The following SGCD variants were observed in gnomAD, a reference collection of about 807,000 sequenced individuals.
The protein encoded by SGCD is sarcoglycan delta, also known as delta-sarcoglycan.
Under a neutral mutation model 36.6 loss-of-function variants are expected in SGCD, and 18 were observed. The ratio of observed to expected loss-of-function variants is 0.49; its 90% CI spans 0.34 to 0.73. The LOEUF (loss-of-function observed/expected upper bound fraction) is 0.73, where lower values mean the gene tolerates loss of function less well. Ranked by LOEUF, SGCD falls within the 30% of genes least tolerant of loss-of-function variation. The probability of loss-of-function intolerance (pLI) is 0.01; values close to 1 mark genes in which losing one functional copy is unlikely to be tolerated. For synonymous variants in SGCD, 133 were observed against 130.6 expected (o/e 1.02, Z -0.12); for missense variants, 387 against 346.7 (o/e 1.12, Z -0.92).
intron 1 of SGCD, among the ~76,000 whole-genome samples, chr5:156,094,442 T>C (rs957459968): frequency 6.6e-6 from 1 of 152,194 alleles, no homozygotes; most frequent in African/African-American, 2.4e-5. Flanking sequence ...CCAACTGGGA[T>C]CCCGATTATG....
chr5:156,200,849 C>A (rs990037991), intron 3 of SGCD, among the ~76,000 whole-genome samples: 1 of 152,082 alleles, frequency 6.6e-6, no homozygotes, highest in African/African-American at 2.4e-5. Flanking sequence ...AGATGTCCAT[C>A]GACAGATGAA....
the SGCD span, among the ~76,000 whole-genome samples, chr5:155,748,666 G>C: frequency 6.6e-6 from 1 of 152,100 alleles, no homozygotes; most frequent in Non-Finnish European, 1.5e-5. Context: ...TGCAGTCCAA[G>C]TCACATGTAT....
intron 3 of SGCD, among the ~76,000 whole-genome samples, chr5:156,192,989 G>C (rs1403346459): frequency 6.6e-6 from 1 of 151,272 alleles, no homozygotes; most frequent in South Asian, 2.1e-4. Context: ...TGTGATTCAT[G>C]GACACCGAAA....
At chr5:156,277,810 T>C (rs565950971) in intron 3 of SGCD, among the ~76,000 whole-genome samples, 8 of 152,170 alleles carry the variant, frequency 5.3e-5, no homozygotes, top group Non-Finnish European at 1.0e-4. Context: ...GAGTAATTGA[T>C]CATTAATATC....
At chr5:155,853,646 C>G in the SGCD span, among the ~76,000 whole-genome samples, 2 of 152,128 alleles carry the variant, frequency 1.3e-5, no homozygotes, top group Admixed American at 6.6e-5. Context: ...GTTCTATAAA[C>G]CAAGTAATCA....
chr5:156,528,285 A>T (rs193109691), intron 4 of SGCD, among the ~76,000 whole-genome samples: 1 of 152,326 alleles, frequency 6.6e-6, no homozygotes, highest in South Asian at 2.1e-4. Context: ...TAAGATTATT[A>T]TGGGATTATA....
intron 3 of SGCD, among the ~76,000 whole-genome samples, chr5:156,368,221 G>T: frequency 6.6e-6 from 1 of 151,932 alleles, no homozygotes; most frequent in Non-Finnish European, 1.5e-5. Flanking sequence ...CTCCTGAGTA[G>T]CTGGGATTAC....
chr5:156,406,481 G>A (rs1482431066), intron 3 of SGCD, among the ~76,000 whole-genome samples: 5 of 151,822 alleles, frequency 3.3e-5, no homozygotes, highest in Non-Finnish European at 5.9e-5. Context: ...CTCTTTTGGA[G>A]TAAATTTTCC....
At chr5:156,495,875 T>C (rs2127855518) in intron 3 of SGCD, among the ~76,000 whole-genome samples, 1 of 152,292 alleles carries the variant, frequency 6.6e-6, no homozygotes, top group African/African-American at 2.4e-5. Flanking sequence ...AATCGATAAA[T>C]TCCCCACCAA....
intron 6 of SGCD, among the ~76,000 whole-genome samples, chr5:156,630,716 A>T (rs1056215233): frequency 1.8e-4 from 27 of 152,188 alleles, no homozygotes; most frequent in Admixed American, 1.7e-3. Context: ...ACATTCAAAG[A>T]TTAAATAATT....
intron 4 of SGCD, among the ~76,000 whole-genome samples, chr5:156,579,269 C>T (rs1053268444): frequency 6.6e-6 from 1 of 152,168 alleles, no homozygotes; most frequent in African/African-American, 2.4e-5. Flanking sequence ...GCACTGTGAT[C>T]TGAGAGATAG....
chr5:156,477,660 A>G (rs1755241663), intron 3 of SGCD, among the ~76,000 whole-genome samples: 1 of 148,272 alleles, frequency 6.7e-6, no homozygotes, highest in South Asian at 2.2e-4. Flanking sequence ...TTTTTTATAG[A>G]CAACACAGCT....
intron 3 of SGCD, among the ~76,000 whole-genome samples, chr5:156,365,588 C>T (rs116265767): frequency 1.8e-3 from 274 of 152,244 alleles, no homozygotes; most frequent in African/African-American, 6.2e-3. Context: ...AGTTTTCTTT[C>T]CCCACATACA....
chr5:155,870,620 G>C (rs992917780), intron 1 of SGCD, among the ~76,000 whole-genome samples: 2 of 152,200 alleles, frequency 1.3e-5, no homozygotes. Flanking sequence ...ATATTCTGAT[G>C]ATTGTATTCT....
At chr5:155,812,114 T>G in the SGCD span, among the ~76,000 whole-genome samples, 1 of 152,176 alleles carries the variant, frequency 6.6e-6, no homozygotes, top group Admixed American at 6.5e-5. Flanking sequence ...AGACAACCGG[T>G]TAGACCAGAA....
At chr5:155,788,985 A>G in the SGCD span, among the ~76,000 whole-genome samples, 1 of 152,200 alleles carries the variant, frequency 6.6e-6, no homozygotes, top group Non-Finnish European at 1.5e-5. Context: ...GGAGACAAAG[A>G]AACAAGATCA....
At chr5:155,732,168 A>G in the SGCD span, among the ~76,000 whole-genome samples, 1 of 152,228 alleles carries the variant, frequency 6.6e-6, no homozygotes, top group Non-Finnish European at 1.5e-5. Context: ...TGCCTTCAGC[A>G]TTCTTCATGT....
intron 3 of SGCD, among the ~76,000 whole-genome samples, chr5:156,413,471 C>T (rs115016349): frequency 6.6e-6 from 1 of 152,266 alleles, no homozygotes; most frequent in Non-Finnish European, 1.5e-5. Flanking sequence ...ATGGTCATGT[C>T]TTGCAGTTGA....
At chr5:156,376,819 T>G (rs1481572845) in intron 3 of SGCD, among the ~76,000 whole-genome samples, 1 of 152,156 alleles carries the variant, frequency 6.6e-6, no homozygotes, top group Non-Finnish European at 1.5e-5. Flanking sequence ...CAAGGTGCTC[T>G]CTATTAAAAT....
Sources: gnomAD v4.1 joint callset for allele counts (sites outside exome capture counted in the v4.1 genomes callset) on GRCh38, gnomAD v4.1.1 for gene constraint, MANE v1.5 for transcripts, NCBI Gene and HGNC (gene_info 2026-07-23, HGNC 2026-07-21) for gene names.